Variants in ARHGAP32 observed in about 807,000 individuals in gnomAD.
The protein encoded by ARHGAP32 is rho GTPase-activating protein 32.
A neutral mutation model predicts 186.5 loss-of-function variants in ARHGAP32; 51 were observed. The observed-to-expected ratio is 0.27, with a 90% confidence interval of 0.22 to 0.35. The LOEUF is 0.35. Among genes scored for constraint, ARHGAP32 ranks in the 10% least tolerant of loss-of-function variants. The pLI is 1.00. For synonymous variants in ARHGAP32, 950 were observed against 964.3 expected (o/e 0.99, Z 0.27); for missense variants, 2,186 against 2,623.5 (o/e 0.83, Z 3.64).
Position 129,012,413 on chromosome 11 carries a change from G to A in ARHGAP32, c.1046-13945C>T, listed in dbSNP as rs577347556. On this transcript the variant is annotated intron_variant, in intron 11 of 22. Coordinates refer to ENST00000682385, the MANE Select transcript of ARHGAP32 (RefSeq NM_001378024.1). ...TCCTGAAGCTCTATCCACTTTAAAA[G>A]GCTTAGAAATAATGATATATTGGTT... 6.6e-5 allele frequency among the ~76,000 whole-genome samples: 10 copies of A among 152,312 alleles called. 1 individual carries two copies. The South Asian group carries it at 2.1e-3, about 32-fold the overall frequency.
At chr11:129,235,877 C>A (rs536482824) in intron 1 of ARHGAP32, among the ~76,000 whole-genome samples, 1 of 148,858 alleles carries the variant, frequency 6.7e-6, no homozygotes, top group Non-Finnish European at 1.5e-5. Flanking sequence ...CAGGTTGCTG[C>A]AAATGCCATT....
chr11:129,179,203 T>A (rs995677591), intron 1 of ARHGAP32, among the ~76,000 whole-genome samples: 8 of 152,290 alleles, frequency 5.3e-5, no homozygotes, highest in African/African-American at 1.9e-4. Flanking sequence ...ATGCTCATCA[T>A]CACTGGCCAT....
intron 1 of ARHGAP32, among the ~76,000 whole-genome samples, chr11:129,174,231 G>A (rs1034156862): frequency 7.9e-5 from 12 of 152,186 alleles, no homozygotes; most frequent in Admixed American, 3.3e-4. Flanking sequence ...GCGCTTTTCC[G>A]ACGGGCCTAA....
At position 129,131,727 on chromosome 11, in the gene ARHGAP32, C is replaced by G. The variant is rs1449776134; in HGVS notation, c.226-6833G>C. Among the ~76,000 whole-genome samples, 3 of 152,274 alleles carry G rather than the reference C, an allele frequency of 2.0e-5. No homozygotes were observed. In the South Asian group the frequency reaches 6.2e-4, roughly 32 times the overall value. The stretch of plus-strand genomic sequence containing the variant: ...ATGAGATTTGGATGGGCCCACAAAT[C>G]CAAACCACATCACCAGGTGAGTGGT... On this transcript the variant is annotated intron_variant, in intron 2 of 22. Transcript: ENST00000682385.
chr11:129,137,587 G>C (rs558249454), intron 2 of ARHGAP32, among the ~76,000 whole-genome samples: 2 of 151,926 alleles, frequency 1.3e-5, no homozygotes, highest in Non-Finnish European at 2.9e-5. Context: ...TGACATTATC[G>C]TTCTGAAACT....
At chr11:129,184,573 A>G (rs1397838732) in intron 1 of ARHGAP32, among the ~76,000 whole-genome samples, 1 of 152,078 alleles carries the variant, frequency 6.6e-6, no homozygotes, top group Admixed American at 6.6e-5. Context: ...TAAAATGTAA[A>G]AAGAAATATA....
At chr11:129,101,121 A>C (rs1444909995) in intron 5 of ARHGAP32, among the ~76,000 whole-genome samples, 2 of 152,140 alleles carry the variant, frequency 1.3e-5, no homozygotes, top group African/African-American at 2.4e-5. Flanking sequence ...CCCCCCAAAA[A>C]TTTCCAGAAA....
intron 1 of ARHGAP32, among the ~76,000 whole-genome samples, chr11:129,187,478 T>C (rs542376887): frequency 6.6e-6 from 1 of 152,154 alleles, no homozygotes; most frequent in Non-Finnish European, 1.5e-5. Flanking sequence ...AGGGTGACTA[T>C]AGTCAATAAT....
chr11:129,041,818 A>T (rs1939605199), intron 10 of ARHGAP32, among the ~76,000 whole-genome samples: 1 of 152,258 alleles, frequency 6.6e-6, no homozygotes, highest in African/African-American at 2.4e-5. Context: ...AGCAAAGAGG[A>T]AATCTTTATC....
At chr11:129,173,120 T>C (rs1441489490) in intron 1 of ARHGAP32, among the ~76,000 whole-genome samples, 1 of 151,098 alleles carries the variant, frequency 6.6e-6, no homozygotes, top group Admixed American at 6.6e-5. Flanking sequence ...CAATAAAAAA[T>C]GTTTAGGGAC....
intron 1 of ARHGAP32, among the ~76,000 whole-genome samples, chr11:129,167,321 ATG>A (rs1943660259): frequency 6.6e-6 from 1 of 152,110 alleles, no homozygotes; most frequent in Non-Finnish European, 1.5e-5. Flanking sequence ...GTTTCTCAAA[ATG>A]TTAAAACAGA....
intron 1 of ARHGAP32, among the ~76,000 whole-genome samples, chr11:129,221,212 G>A (rs1245330006): frequency 2.6e-5 from 4 of 152,056 alleles, no homozygotes; most frequent in Non-Finnish European, 4.4e-5. Context: ...TAAAATCTAT[G>A]CGAAGCCATG....
At chr11:129,256,842 G>A (rs186021529) in intron 1 of ARHGAP32, among the ~76,000 whole-genome samples, 6 of 152,256 alleles carry the variant, frequency 3.9e-5, no homozygotes, top group South Asian at 2.1e-4. Context: ...AGAGAGAAGC[G>A]CTTGCTGACA....
At chr11:129,195,738 T>C (rs1944382818), upstream of ARHGAP32, among the ~76,000 whole-genome samples, 1 of 152,206 alleles carries the variant, frequency 6.6e-6, no homozygotes, top group Non-Finnish European at 1.5e-5. Context: ...AAAAAGTTTT[T>C]AAATTCAAAA....
At chr11:129,221,029 G>C (rs759517471) in intron 1 of ARHGAP32, among the ~76,000 whole-genome samples, 1 of 151,674 alleles carries the variant, frequency 6.6e-6, no homozygotes, top group East Asian at 1.9e-4. Context: ...AATGTGAAGC[G>C]ATGTTTCAAA....
intron 2 of ARHGAP32, among the ~76,000 whole-genome samples, chr11:129,160,323 C>T (rs961017385): frequency 1.3e-5 from 2 of 152,130 alleles, no homozygotes; most frequent in African/African-American, 4.8e-5. Context: ...TCTCTGTTTG[C>T]AGATGACGTG....
rs375082462 is a variant in ARHGAP32 at position 129,192,201 on chromosome 11, T to G, written c.-3A>C. 1 of 1,608,706 alleles carries G rather than the reference T, an allele frequency of 6.2e-7. No individual in the cohort carries two copies. Among genetic ancestry groups the G allele is most frequent in the Admixed American group, 1.7e-5 (1 of 59,480 alleles). ...CTACTCTCACTTTCAGTCTCCATCT[T>G]GTACTTAAAAAACAAAAAAAACTAA... On this transcript the variant is annotated 5_prime_UTR_variant, in exon 1 of 23. Transcript: ENST00000682385.
chr11:129,059,750 G>A (rs1370055217), intron 10 of ARHGAP32, among the ~76,000 whole-genome samples: 7 of 151,802 alleles, frequency 4.6e-5, no homozygotes, highest in Admixed American at 1.3e-4. Context: ...CACCCACCTC[G>A]GCCTCCCAAA....
chr11:129,213,791 C>T (rs1156684698), intron 1 of ARHGAP32, among the ~76,000 whole-genome samples: 1 of 151,662 alleles, frequency 6.6e-6, no homozygotes, highest in Non-Finnish European at 1.5e-5. Context: ...ACAAATCATA[C>T]GAAGACACTA....
Sources: allele counts gnomAD v4.1 joint callset (sites outside exome capture counted in the v4.1 genomes callset), GRCh38; gene constraint gnomAD v4.1.1; transcripts MANE v1.5; gene names NCBI Gene and HGNC (gene_info 2026-07-23, HGNC 2026-07-21).